The following SORCS2 variants were observed in gnomAD, a reference collection of about 807,000 sequenced individuals.
SORCS2 encodes the protein VPS10 domain-containing receptor SorCS2.
In SORCS2, 100 loss-of-function variants were observed where a neutral mutation model predicts 141.6. The ratio of observed to expected loss-of-function variants is 0.71; its 90% CI spans 0.60 to 0.83. SORCS2 has a LOEUF of 0.83. SORCS2 is among the 40% of genes least tolerant of loss of function. SORCS2 has a pLI of 0.00. For missense variants in SORCS2, 1,646 were observed against 1,560.2 expected, an observed-to-expected ratio of 1.05 and a Z score of -0.93; for synonymous variants, 789 against 676.9, an observed-to-expected ratio of 1.17 and a Z score of -2.57.
At chr4:7,383,107 C>G (rs1352108695) in intron 1 of SORCS2, among the ~76,000 whole-genome samples, 1 of 152,068 alleles carries the variant, frequency 6.6e-6, no homozygotes, top group East Asian at 1.9e-4. Flanking sequence ...TGCTGAGGGG[C>G]GGATTTCAAA....
chr4:7,246,211 C>T (rs1713071642), intron 1 of SORCS2, among the ~76,000 whole-genome samples: 1 of 152,210 alleles, frequency 6.6e-6, no homozygotes, highest in African/African-American at 2.4e-5. Context: ...TGGCCTGGGT[C>T]CTCTGTGTCC....
chr4:7,625,379 TTGTC>T (rs1237060268), intron 3 of SORCS2, among the ~76,000 whole-genome samples: 2 of 152,240 alleles, frequency 1.3e-5, no homozygotes, highest in Non-Finnish European at 2.9e-5. Flanking sequence ...TTCTGTTTCT[TTGTC>T]TGTAAAAGAG....
chr4:7,434,249 C>T (rs1189892379), intron 2 of SORCS2: 2 of 1,613,528 alleles, frequency 1.2e-6, no homozygotes, highest in African/African-American at 1.3e-5. Context: ...TCACACTGCT[C>T]CTGGATGTTC....
chr4:7,739,236 G>A (rs1560125967), intron 26 of SORCS2, among the ~76,000 whole-genome samples: 2 of 152,178 alleles, frequency 1.3e-5, no homozygotes, highest in Non-Finnish European at 2.9e-5. Context: ...CCGGGCCGCG[G>A]GTGAGCGTCC....
At chr4:7,577,345 T>C (rs771986080) in intron 3 of SORCS2, among the ~76,000 whole-genome samples, 2 of 152,134 alleles carry the variant, frequency 1.3e-5, no homozygotes, top group Non-Finnish European at 2.9e-5. Context: ...TGAAGTCAGG[T>C]GATACAGGTA....
intron 3 of SORCS2, among the ~76,000 whole-genome samples, chr4:7,543,966 ATCCATCCACCCATCCG>A (rs1713024255): frequency 1.4e-5 from 2 of 142,610 alleles, no homozygotes; most frequent in African/African-American, 2.6e-5. Context: ...CCATCCATCC[ATCCATCCACCCATCCG>A]TCCATCCATC....
At chr4:7,688,071 A>T (rs1266874738) in intron 10 of SORCS2, among the ~76,000 whole-genome samples, 1 of 152,214 alleles carries the variant, frequency 6.6e-6, no homozygotes, top group Non-Finnish European at 1.5e-5. Flanking sequence ...ATCCAAGTCA[A>T]TATCCAATTT....
intron 11 of SORCS2, among the ~76,000 whole-genome samples, chr4:7,691,847 A>G (rs1356661505): frequency 1.3e-5 from 2 of 151,994 alleles, no homozygotes; most frequent in Non-Finnish European, 2.9e-5. Flanking sequence ...CCACTGCTCA[A>G]AGGCCCTGAG....
At chr4:7,666,804 A>G (rs1036635212) in intron 7 of SORCS2, among the ~76,000 whole-genome samples, 3 of 152,114 alleles carry the variant, frequency 2.0e-5, no homozygotes. Context: ...TAACGAGCGC[A>G]TCTTTGGCCT....
At chr4:7,677,000 C>G (rs1300231079) in intron 9 of SORCS2, among the ~76,000 whole-genome samples, 3 of 144,756 alleles carry the variant, frequency 2.1e-5, no homozygotes, top group South Asian at 4.4e-4. Context: ...TCCTCTCCCT[C>G]TCTGTGTGTG....
intron 1 of SORCS2, among the ~76,000 whole-genome samples, chr4:7,247,711 G>C (rs77987450): frequency 6.6e-6 from 1 of 152,310 alleles, no homozygotes; most frequent in Non-Finnish European, 1.5e-5. Flanking sequence ...CGGCCTGGGG[G>C]ACCTGGCGAC....
intron 2 of SORCS2, chr4:7,434,375 C>T (rs141214721): frequency 6.2e-7 from 1 of 1,607,622 alleles, no homozygotes; most frequent in African/African-American, 1.3e-5. Flanking sequence ...GTAAGGGGCC[C>T]ATTGGCCATG....
intron 3 of SORCS2, among the ~76,000 whole-genome samples, chr4:7,613,767 T>C (rs995846628): frequency 6.6e-6 from 1 of 152,132 alleles, no homozygotes. Context: ...ACACTTGCAG[T>C]TCATCCATCC....
intron 3 of SORCS2, among the ~76,000 whole-genome samples, chr4:7,535,086 C>T (rs1465703716): frequency 6.6e-6 from 1 of 152,212 alleles, no homozygotes; most frequent in African/African-American, 2.4e-5. Context: ...GTGGCAGGAG[C>T]AAAGTCACAG....
At chr4:7,511,532 G>T (rs1732653266) in intron 2 of SORCS2, among the ~76,000 whole-genome samples, 1 of 152,006 alleles carries the variant, frequency 6.6e-6, no homozygotes, top group South Asian at 2.1e-4. Context: ...GAGCAACAGA[G>T]AGACAGAGAC....
intron 12 of SORCS2, among the ~76,000 whole-genome samples, chr4:7,699,369 C>T (rs1487650923): frequency 6.6e-6 from 1 of 152,228 alleles, no homozygotes; most frequent in African/African-American, 2.4e-5. Flanking sequence ...CTCCATTCGT[C>T]TCCTCCTGGG....
chr4:7,548,928 A>G (rs1713475316), intron 3 of SORCS2, among the ~76,000 whole-genome samples: 1 of 152,216 alleles, frequency 6.6e-6, no homozygotes, highest in African/African-American at 2.4e-5. Flanking sequence ...TTCTGAGCCA[A>G]GATGCCCCAT....
chr4:7,355,464 C>T (rs1046480647), intron 1 of SORCS2, among the ~76,000 whole-genome samples: 60 of 152,064 alleles, frequency 3.9e-4, no homozygotes, highest in African/African-American at 1.3e-3. Context: ...TTTTTGTTAA[C>T]GCGGTCAGTC....
At chr4:7,268,390 T>A (rs1309288049) in intron 1 of SORCS2, among the ~76,000 whole-genome samples, 1 of 152,152 alleles carries the variant, frequency 6.6e-6, no homozygotes, top group Non-Finnish European at 1.5e-5. Flanking sequence ...GACAGGGAGC[T>A]TCCTGTCGGC....
Sources: allele counts gnomAD v4.1 joint callset (sites outside exome capture counted in the v4.1 genomes callset), GRCh38; gene constraint gnomAD v4.1.1; transcripts MANE v1.5; gene names NCBI Gene and HGNC (gene_info 2026-07-23, HGNC 2026-07-21).